Variants in DCD observed in about 807,000 individuals in gnomAD.
DCD encodes the protein diffusible survival/evasion peptide.
A neutral mutation model predicts 14.5 loss-of-function variants in DCD; 17 were observed. The observed-to-expected ratio is 1.18, with a 90% confidence interval of 0.81 to 1.76. The LOEUF is 1.76. Ranked by LOEUF, DCD falls within the 40% of genes most tolerant of loss-of-function variation. The probability of loss-of-function intolerance (pLI) is 0.00; values close to 1 mark genes in which losing one functional copy is unlikely to be tolerated. For missense variants in DCD, 139 were observed against 133.4 expected (o/e 1.04, Z -0.21); for synonymous variants, 64 against 54.0 (o/e 1.19, Z -0.82).
At chr12:54,647,469 C>T (rs950461061) in intron 1 of DCD, among the ~76,000 whole-genome samples, 4 of 152,188 alleles carry the variant, frequency 2.6e-5, no homozygotes, top group African/African-American at 7.2e-5. Context: ...GGCATGACCA[C>T]GAGGGCATGA....
Position 54,644,624 on chromosome 12 carries a change from ATTTTTTT to A in DCD, c.*82_*88del, listed in dbSNP as rs11338265. 852 of 651,656 alleles carry A rather than the reference ATTTTTTT, an allele frequency of 1.3e-3. 1 individual carries two copies. In the East Asian group the frequency reaches 0.019, roughly 15 times the overall value. 40.4% of individuals were successfully genotyped at this position (651,656 alleles called of 1,614,324 possible). ...GCTTTCAGTTTAATAGCTGTTTTAA[ATTTTTTT>A]TTTTTTTTTTTTTTTTAGGTTTTAG... On this transcript the variant is annotated 3_prime_UTR_variant, in exon 5 of 5. Coordinates refer to ENST00000293371, the MANE Select transcript of DCD (RefSeq NM_053283.4).
In DCD at chr12:54,647,112, AG is replaced by A. The variant is rs1958267545; in HGVS notation, c.97+8del. ...CAGGACTGGGGCAGGAGGAAGAGAA[AG>A]GACTCACGGTTCCCCGATCCTGGGG... On this transcript the variant is annotated splice_region_variant and intron_variant, in intron 2 of 4. Coordinates refer to ENST00000293371, the MANE Select transcript of DCD (RefSeq NM_053283.4). 6.4e-7 allele frequency: 1 copy of A among 1,556,536 alleles called. No individual in the cohort carries two copies. The highest frequency in any genetic ancestry group is 8.7e-7 in the Non-Finnish European group (1 of 1,149,346).
chr12:54,645,929 T>G, intron 2 of DCD: 1 of 573,122 alleles, frequency 1.7e-6, no homozygotes, highest in South Asian at 1.6e-5. Context: ...AGGGCCCTTT[T>G]CTAGAGTAGA....
Position 54,645,237 on chromosome 12 carries a change from T to C in DCD, c.225A>G (p.Lys75=), listed in dbSNP as rs777334916. 8.1e-6 allele frequency: 13 copies of C among 1,613,560 alleles called. No individual in the cohort carries two copies. The highest frequency in any genetic ancestry group is 4.5e-5 in the East Asian group (2 of 44,878). ...CTAGTTTTCCGAGTCCCCCCACAGC[T>C]TTTTTTGCTCCGTCTAGGCCTTTTT... ...LLEKGLDGAK[K]AVGGLGKLGK... is the part of the protein sequence containing the mutation. The change falls in exon 4 of 5, where the codon AAA becomes AAG. Residue 75 remains lysine, a synonymous_variant. Coordinates refer to ENST00000293371, the MANE Select transcript of DCD (RefSeq NM_053283.4).
chr12:54,645,178 C>A lies in DCD; in HGVS notation c.284G>T (p.Gly95Val), dbSNP rs761084413. The part of the protein sequence containing the change: ...KDAVEDLESV[G>V]KGAVHDVKDV... ...GAGTGGGGACATATACTCACCTTTA[C>A]CCACGCTTTCTAGATCTTCGACTGC... The change falls in exon 4 of 5, where the codon GGT (glycine) becomes GTT (valine). Residue 95 changes from glycine (G) to valine (V), a missense_variant. Transcript: ENST00000293371. The A allele has an allele frequency of 1.2e-5, 20 of 1,614,088 alleles. No homozygotes were observed. In the South Asian group the frequency reaches 1.9e-4, roughly 15 times the overall value.
chr12:54,645,261 T>A lies in DCD; in HGVS notation c.201A>T (p.Glu67Asp), dbSNP rs532532090. 1.2e-6 allele frequency: 2 copies of A among 1,613,944 alleles called. No homozygotes were observed. The highest frequency in any genetic ancestry group is 2.7e-5 in the African/African-American group (2 of 74,908). The change falls in exon 4 of 5, where the codon GAA (glutamate) becomes GAT (aspartate). Residue 67 changes from glutamate (E) to aspartate (D), a missense_variant and splice_region_variant. Glu to Asp is a conservative substitution (Grantham distance 45). Coordinates refer to ENST00000293371, the MANE Select transcript of DCD (RefSeq NM_053283.4). ...KPRKQRSSLL[E>D]KGLDGAKKAV... is the part of the protein sequence containing the mutation. The stretch of plus-strand genomic sequence containing the variant: ...CTTTTTTTGCTCCGTCTAGGCCTTT[T>A]TCTAGGGTGGATTCAGAAAAGAAGA...
chr12:54,644,921 C>A, intron 4 of DCD, 165 bp from the exon 5 acceptor site: 2 of 1,549,528 alleles, frequency 1.3e-6, no homozygotes, highest in Non-Finnish European at 1.7e-6. Flanking sequence ...TTCACAGGAG[C>A]CCCAAAGACC....
At position 54,644,666 on chromosome 12, in the gene DCD, G is replaced by T. The variant is rs377645047; in HGVS notation, c.*47C>A. The T allele has an allele frequency of 5.4e-5, 59 of 1,087,342 alleles. No individual in the cohort carries two copies. Among genetic ancestry groups the T allele is most frequent in the Non-Finnish European group, 8.0e-5 (58 of 727,250 alleles). 67.4% of individuals were successfully genotyped at this position (1,087,342 alleles called of 1,614,324 possible). On this transcript the variant is annotated 3_prime_UTR_variant, in exon 5 of 5. Coordinates refer to ENST00000293371, the MANE Select transcript of DCD (RefSeq NM_053283.4). ...TTTTTTTAGGTTTTAGGCTGAAGAC[G>T]TAAAGCCTGCTGCTCCTGGGTATCA...
intron 4 of DCD, chr12:54,644,958 G>A (rs1156363888): frequency 1.3e-6 from 2 of 1,548,586 alleles, no homozygotes; most frequent in East Asian, 2.4e-5. Flanking sequence ...CTTGGCAGGG[G>A]CAGGGGGCAA....
chr12:54,646,397 C>T (rs1958261276), intron 2 of DCD, among the ~76,000 whole-genome samples: 1 of 152,104 alleles, frequency 6.6e-6, no homozygotes, highest in African/African-American at 2.4e-5. Flanking sequence ...TTAGATCTCT[C>T]TCTCAGGGGC....
chr12:54,648,124 G>T, intron 1 of DCD, 122 bp downstream of exon 1: 2 of 1,064,966 alleles, frequency 1.9e-6, no homozygotes, highest in African/African-American at 1.6e-5. Flanking sequence ...TGGGAGGCAG[G>T]AGTGGGCTAC....
chr12:54,645,333 G>C (rs140949130), intron 3 of DCD, 71 bp from the exon 4 acceptor site: 10 of 1,435,040 alleles, frequency 7.0e-6, no homozygotes, highest in Non-Finnish European at 9.8e-6. Flanking sequence ...GAGCTCCCCC[G>C]CTTCCTAGGC....
At position 54,645,224 on chromosome 12, in the gene DCD, G is replaced by A; in HGVS notation, c.238C>T (p.Leu80Phe). The part of the protein sequence containing the change: ...LDGAKKAVGG[L>F]GKLGKDAVED... The stretch of plus-strand genomic sequence containing the variant: ...ACTGCATCTTTTCCTAGTTTTCCGA[G>A]TCCCCCCACAGCTTTTTTTGCTCCG... Residue 80 changes from leucine (L) to phenylalanine (F), a missense_variant, in exon 4 of 5, where the codon CTC (leucine) becomes TTC (phenylalanine). Leu to Phe is a conservative substitution (Grantham distance 22). Coordinates refer to ENST00000293371, the MANE Select transcript of DCD (RefSeq NM_053283.4). The A allele has an allele frequency of 6.2e-7, 1 of 1,614,024 alleles. No individual in the cohort carries two copies. The highest frequency in any genetic ancestry group is 1.1e-5 in the South Asian group (1 of 91,074).
At chr12:54,647,277 A>T (rs1958268944) in intron 1 of DCD, 118 bp from the exon 2 acceptor site, 6 of 980,134 alleles carry the variant, frequency 6.1e-6, no homozygotes, top group Middle Eastern at 2.2e-4. Context: ...GTGGACAGAC[A>T]GGAGAGAAAT....
chr12:54,647,644 G>A (rs1046137765), intron 1 of DCD, among the ~76,000 whole-genome samples: 1 of 152,220 alleles, frequency 6.6e-6, no homozygotes, highest in Non-Finnish European at 1.5e-5. Context: ...CAGCTGTGAG[G>A]AAGACAGACA....
chr12:54,645,558 T>G, intron 3 of DCD, 48 bp downstream of exon 3: 2 of 1,519,508 alleles, frequency 1.3e-6, no homozygotes, highest in Non-Finnish European at 1.8e-6. Context: ...GATATCTTGC[T>G]GTTTCATGCA....
At chr12:54,645,030 A>G (rs772551623) in intron 4 of DCD, 143 bp downstream of exon 4, 40 of 1,495,484 alleles carry the variant, frequency 2.7e-5, no homozygotes, top group Admixed American at 2.0e-4. Flanking sequence ...AAGAATGGCA[A>G]TTTAAATCTG....
intron 1 of DCD, 29 bp downstream of exon 1, chr12:54,648,217 G>T: frequency 3.7e-6 from 6 of 1,612,388 alleles, no homozygotes; most frequent in Non-Finnish European, 5.1e-6. Context: ...GGACTATATG[G>T]TTGGGTGTCG....
chr12:54,645,005 G>C lies in DCD; in HGVS notation c.289+168C>G, dbSNP rs1256207956. On this transcript the variant is annotated intron_variant, in intron 4 of 4. Coordinates refer to ENST00000293371, the MANE Select transcript of DCD (RefSeq NM_053283.4). Reference sequence around the variant, plus strand: ...AAAAAAGCAAGTTAGACCCCAGGAAGTATCAATATCAGACAAGAATGGCAA... The same window carrying C: ...AAAAAAGCAAGTTAGACCCCAGGAACTATCAATATCAGACAAGAATGGCAA... 6.6e-6 allele frequency: 10 copies of C among 1,515,116 alleles called. No individual in the cohort carries two copies. The Admixed American group carries it at 2.0e-4, about 30-fold the overall frequency. 93.9% of individuals were successfully genotyped at this position (1,515,116 alleles called of 1,614,324 possible).
Sources: allele counts gnomAD v4.1 joint callset (sites outside exome capture counted in the v4.1 genomes callset), GRCh38; gene constraint gnomAD v4.1.1; transcripts MANE v1.5; gene names NCBI Gene and HGNC (gene_info 2026-07-23, HGNC 2026-07-21).